The following ADCY1 variants were observed in gnomAD, a reference collection of about 807,000 sequenced individuals.
The protein encoded by ADCY1 is adenylate cyclase 1.
ADCY1 carries 28 observed loss-of-function variants against 105.4 expected under a neutral mutation model. That is an observed-to-expected ratio of 0.27 (90% CI 0.20 to 0.36). ADCY1 has a LOEUF of 0.36. Among genes scored for constraint, ADCY1 ranks in the 10% least tolerant of loss-of-function variants. The pLI is 1.00. For synonymous variants in ADCY1, 655 were observed against 623.8 expected (o/e 1.05, Z -0.75); for missense variants, 977 against 1,434.2 (o/e 0.68, Z 5.15).
At chr7:45,666,053 T>C (rs146158852) in intron 8 of ADCY1, among the ~76,000 whole-genome samples, 37 of 152,328 alleles carry the variant, frequency 2.4e-4, no homozygotes, top group African/African-American at 8.7e-4. Flanking sequence ...TGAGCCTTGG[T>C]TTCCTGAATG....
At chr7:45,649,973 G>A (rs1794765533) in intron 5 of ADCY1, among the ~76,000 whole-genome samples, 1 of 152,186 alleles carries the variant, frequency 6.6e-6, no homozygotes, top group East Asian at 1.9e-4. Flanking sequence ...GAGAAAAGCA[G>A]CCTGGCTGGA....
At chr7:45,650,722 G>T (rs951322587) in intron 5 of ADCY1, among the ~76,000 whole-genome samples, 5 of 152,056 alleles carry the variant, frequency 3.3e-5, no homozygotes, top group African/African-American at 1.2e-4. Context: ...CCCATCTTTT[G>T]CTTGAGGTTC....
At chr7:45,709,386 G>A (rs1307468377) in intron 18 of ADCY1, among the ~76,000 whole-genome samples, 2 of 152,220 alleles carry the variant, frequency 1.3e-5, no homozygotes, top group Non-Finnish European at 2.9e-5. Context: ...GTCATGCAGT[G>A]GGGCTGGACA....
intron 14 of ADCY1, among the ~76,000 whole-genome samples, chr7:45,688,815 T>C (rs1407292116): frequency 1.3e-5 from 2 of 152,026 alleles, no homozygotes; most frequent in Non-Finnish European, 2.9e-5. Context: ...CTCACAGTCC[T>C]GTAACGATTA....
chr7:45,625,685 T>C (rs576857906), intron 4 of ADCY1, among the ~76,000 whole-genome samples: 64 of 152,242 alleles, frequency 4.2e-4, no homozygotes, highest in African/African-American at 1.5e-3. Context: ...CATGTGTGTG[T>C]ACCTGTGTGA....
intron 8 of ADCY1, among the ~76,000 whole-genome samples, chr7:45,665,523 G>A (rs1450071861): frequency 6.6e-6 from 1 of 152,140 alleles, no homozygotes; most frequent in African/African-American, 2.4e-5. Context: ...TTTATTGAGC[G>A]CTTCTTTTGT....
intron 18 of ADCY1, among the ~76,000 whole-genome samples, chr7:45,709,260 C>T (rs34732975): frequency 4.8e-4 from 73 of 152,094 alleles, no homozygotes; most frequent in Non-Finnish European, 8.8e-4. Flanking sequence ...GGGCTCTGGT[C>T]GGCAGAGCTA....
intron 8 of ADCY1, among the ~76,000 whole-genome samples, chr7:45,664,879 G>T (rs1371482024): frequency 1.3e-5 from 2 of 152,120 alleles, no homozygotes; most frequent in Non-Finnish European, 2.9e-5. Context: ...CGTCATCTAG[G>T]TTTTAAGTCC....
intron 1 of ADCY1, among the ~76,000 whole-genome samples, chr7:45,590,161 G>A (rs1353154400): frequency 6.6e-6 from 1 of 152,128 alleles, no homozygotes; most frequent in African/African-American, 2.4e-5. Flanking sequence ...CAGCTCTGAT[G>A]CAAACGGGGA....
chr7:45,671,539 G>A (rs929149833), intron 8 of ADCY1, among the ~76,000 whole-genome samples: 1 of 152,064 alleles, frequency 6.6e-6, no homozygotes, highest in Non-Finnish European at 1.5e-5. Flanking sequence ...CATCCCCAGT[G>A]TATGAAGGAT....
At chr7:45,629,217 AC>A (rs1365804609) in intron 4 of ADCY1, among the ~76,000 whole-genome samples, 3 of 152,180 alleles carry the variant, frequency 2.0e-5, no homozygotes, top group African/African-American at 7.2e-5. Context: ...TATGTACTCT[AC>A]ATTGTCTGGC....
At chr7:45,642,204 T>C (rs1449964883) in intron 4 of ADCY1, among the ~76,000 whole-genome samples, 1 of 152,006 alleles carries the variant, frequency 6.6e-6, no homozygotes, top group Non-Finnish European at 1.5e-5. Flanking sequence ...TGAGCCTTCA[T>C]TGTGGTTTCA....
At chr7:45,687,435 C>T (rs1784706164) in intron 14 of ADCY1, among the ~76,000 whole-genome samples, 1 of 152,198 alleles carries the variant, frequency 6.6e-6, no homozygotes, top group South Asian at 2.1e-4. Flanking sequence ...AGCATCTTCA[C>T]ACCAACTCCA....
chr7:45,578,170 A>T (rs1275131953), intron 1 of ADCY1, among the ~76,000 whole-genome samples: 1 of 152,140 alleles, frequency 6.6e-6, no homozygotes, highest in Admixed American at 6.5e-5. Flanking sequence ...GCTAGTGTGC[A>T]TGACTATTAG....
chr7:45,645,492 C>T (rs909677497), intron 4 of ADCY1, among the ~76,000 whole-genome samples: 2 of 152,144 alleles, frequency 1.3e-5, no homozygotes, highest in Non-Finnish European at 1.5e-5. Flanking sequence ...GCCTTTTACC[C>T]TGGAGGCCCT....
At chr7:45,602,196 A>G (rs1341570032) in intron 2 of ADCY1, among the ~76,000 whole-genome samples, 1 of 151,238 alleles carries the variant, frequency 6.6e-6, no homozygotes, top group Non-Finnish European at 1.5e-5. Context: ...CTTGGAGAGG[A>G]AGGGGATATG....
intron 8 of ADCY1, among the ~76,000 whole-genome samples, chr7:45,677,430 C>G (rs1191702872): frequency 6.6e-6 from 1 of 152,140 alleles, no homozygotes; most frequent in African/African-American, 2.4e-5. Flanking sequence ...CCCATCAGCC[C>G]TGGCCAGAGT....
chr7:45,697,548 G>A (rs537693725), intron 14 of ADCY1, among the ~76,000 whole-genome samples: 66 of 152,134 alleles, frequency 4.3e-4, no homozygotes, highest in Non-Finnish European at 7.4e-4. Flanking sequence ...GCGCCACCAC[G>A]CCCGGCTAAT....
At chr7:45,694,027 A>G (rs1435513506) in intron 14 of ADCY1, among the ~76,000 whole-genome samples, 1 of 129,728 alleles carries the variant, frequency 7.7e-6, no homozygotes, top group African/African-American at 2.9e-5. Context: ...ATGACACATT[A>G]GTGGGTGCAG....
Sources: allele counts gnomAD v4.1 joint callset (sites outside exome capture counted in the v4.1 genomes callset), GRCh38; gene constraint gnomAD v4.1.1; transcripts MANE v1.5; gene names NCBI Gene and HGNC (gene_info 2026-07-23, HGNC 2026-07-21).